ST6GAL1: variants seen among roughly 807,000 people sequenced by gnomAD.
ST6GAL1 encodes ST6 beta-galactoside alpha-2,6-sialyltransferase 1, also known as beta-galactoside alpha-2,6-sialyltransferase 1.
ST6GAL1 carries 20 observed loss-of-function variants against 38.0 expected under a neutral mutation model. The ratio of observed to expected loss-of-function variants is 0.53; its 90% CI spans 0.37 to 0.77. ST6GAL1 has a LOEUF of 0.77. ST6GAL1 is among the 30% of genes least tolerant of loss of function. ST6GAL1 has a pLI of 0.00. For synonymous variants in ST6GAL1, 196 were observed against 188.2 expected, an observed-to-expected ratio of 1.04 and a Z score of -0.34; for missense variants, 432 against 496.4, an observed-to-expected ratio of 0.87 and a Z score of 1.23.
intron 1 of ST6GAL1, among the ~76,000 whole-genome samples, chr3:186,943,351 G>A (rs1359986373): frequency 6.6e-6 from 1 of 152,144 alleles, no homozygotes; most frequent in Non-Finnish European, 1.5e-5. Flanking sequence ...AAATGCATGA[G>A]GCATGAAGTG....
chr3:187,074,554 G>A (rs1719497867), intron 7 of ST6GAL1, among the ~76,000 whole-genome samples: 1 of 152,208 alleles, frequency 6.6e-6, no homozygotes, highest in Non-Finnish European at 1.5e-5. Context: ...TCAATCAGAT[G>A]TCTGAGGCAA....
At chr3:186,964,853 T>A (rs1715052950) in intron 2 of ST6GAL1, among the ~76,000 whole-genome samples, 1 of 152,154 alleles carries the variant, frequency 6.6e-6, no homozygotes, top group South Asian at 2.1e-4. Context: ...ATCCGGCAAA[T>A]CACCTCCCCT....
intron 2 of ST6GAL1, among the ~76,000 whole-genome samples, chr3:186,984,453 C>T (rs1054765052): frequency 2.6e-5 from 4 of 152,142 alleles, no homozygotes; most frequent in Non-Finnish European, 4.4e-5. Flanking sequence ...CCTCCACCTC[C>T]CCGACATCGT....
chr3:186,987,389 C>T (rs562839767), intron 2 of ST6GAL1, among the ~76,000 whole-genome samples: 3 of 152,270 alleles, frequency 2.0e-5, no homozygotes, highest in East Asian at 1.9e-4. Context: ...GTAACCTACC[C>T]AAGGTCCACA....
intron 2 of ST6GAL1, among the ~76,000 whole-genome samples, chr3:187,014,564 C>G (rs1250775048): frequency 6.6e-6 from 1 of 152,222 alleles, no homozygotes; most frequent in Non-Finnish European, 1.5e-5. Flanking sequence ...CTTCTTACAT[C>G]TCCATCCTCC....
At chr3:187,062,574 TCACACACACACACACA>T (rs57175575) in intron 5 of ST6GAL1, among the ~76,000 whole-genome samples, 1 of 143,812 alleles carries the variant, frequency 7.0e-6, no homozygotes, top group African/African-American at 2.5e-5. Context: ...AATAAGCCAG[TCACACACACACACACA>T]CACACACACA....
chr3:186,949,310 C>CAGTTACCTAAG (rs1252156865), intron 1 of ST6GAL1, among the ~76,000 whole-genome samples: 10 of 152,274 alleles, frequency 6.6e-5, no homozygotes, highest in African/African-American at 2.4e-4. Flanking sequence ...GCTGAGTTAT[C>CAGTTACCTAAG]AGTTACCTAA....
rs562706217 is a variant in ST6GAL1 at position 186,933,173 on chromosome 3, A to ACGCTGC, written c.-325+2342_-325+2347dup. ...CCCACTTTTTCCTAATTGGTTTTCTACGCTGCCGTGCCCACCTTTGAGTGG... is the reference window on the plus strand; with the variant it reads ...CCCACTTTTTCCTAATTGGTTTTCTACGCTGCCGCTGCCGTGCCCACCTTTGAGTGG... On this transcript the variant is annotated intron_variant, in intron 1 of 7. Coordinates refer to ENST00000169298, the MANE Select transcript of ST6GAL1 (RefSeq NM_173216.2). 5.0e-4 allele frequency among the ~76,000 whole-genome samples: 76 copies of ACGCTGC among 152,268 alleles called. 1 individual carries two copies. The East Asian group carries it at 0.013, about 25-fold the overall frequency.
At chr3:186,985,619 A>AG (rs1715889159) in intron 2 of ST6GAL1, among the ~76,000 whole-genome samples, 1 of 151,608 alleles carries the variant, frequency 6.6e-6, no homozygotes, top group East Asian at 1.9e-4. Context: ...AAAAAAAAAA[A>AG]AAAAAATTAG....
chr3:186,945,988 C>CAAAAAA (rs71167026), intron 1 of ST6GAL1, among the ~76,000 whole-genome samples: 9 of 71,478 alleles, frequency 1.3e-4, no homozygotes, highest in East Asian at 4.2e-4. Flanking sequence ...AAGACTCCGT[C>CAAAAAA]AAAAAAAAAA....
rs553798149 is a variant in ST6GAL1 at position 186,983,879 on chromosome 3, C to A, written c.-183+19953C>A. On this transcript the variant is annotated intron_variant, in intron 2 of 7. Transcript: ENST00000169298. ...AAAAATTCCACTAGCTGATCAAGAA[C>A]ATCCGAAAAGCTCTCATGCTGATAA... Among the ~76,000 whole-genome samples the A allele has an allele frequency of 3.3e-4, 50 of 152,224 alleles. No individual in the cohort carries two copies. The South Asian group carries it at 0.01, about 32-fold the overall frequency.
At chr3:187,019,026 G>T (rs1328860718) in intron 2 of ST6GAL1, among the ~76,000 whole-genome samples, 1 of 152,196 alleles carries the variant, frequency 6.6e-6, no homozygotes, top group African/African-American at 2.4e-5. Flanking sequence ...TGTGGTAGTC[G>T]TGGCAATCTC....
intron 2 of ST6GAL1, among the ~76,000 whole-genome samples, chr3:186,990,401 A>G (rs924530931): frequency 1.3e-5 from 2 of 152,214 alleles, no homozygotes; most frequent in Non-Finnish European, 2.9e-5. Flanking sequence ...CTTAATGATC[A>G]TTAGAGCGAG....
intron 2 of ST6GAL1, among the ~76,000 whole-genome samples, chr3:186,988,568 G>T (rs1412868813): frequency 2.7e-5 from 4 of 149,544 alleles, no homozygotes; most frequent in Admixed American, 2.7e-4. Flanking sequence ...TTTGGGGTGG[G>T]GGGGTGGTGG....
intron 2 of ST6GAL1, among the ~76,000 whole-genome samples, chr3:186,974,405 G>A (rs1443994398): frequency 2.0e-5 from 3 of 151,928 alleles, no homozygotes; most frequent in African/African-American, 7.3e-5. Context: ...TCACTCAGCC[G>A]AACAGTGAGC....
chr3:186,931,763 T>C (rs554987882), intron 1 of ST6GAL1, among the ~76,000 whole-genome samples: 50 of 152,340 alleles, frequency 3.3e-4, no homozygotes, highest in African/African-American at 1.1e-3. Context: ...ACCCCAGATG[T>C]CACTAGCCCC....
Position 186,992,690 on chromosome 3 carries a change from G to A in ST6GAL1, c.-183+28764G>A, listed in dbSNP as rs1463452088. Among the ~76,000 whole-genome samples the A allele has an allele frequency of 5.3e-5, 8 of 152,092 alleles. No individual in the cohort carries two copies. The South Asian group carries it at 1.7e-3, about 32-fold the overall frequency. ...CGGGCACCCATAATCTCAGCTACTCGGAGGCTGAGGCAGGAGAATCGCTTG... is the reference window on the plus strand; with the variant it reads ...CGGGCACCCATAATCTCAGCTACTCAGAGGCTGAGGCAGGAGAATCGCTTG... On this transcript the variant is annotated intron_variant, in intron 2 of 7. Coordinates refer to ENST00000169298, the MANE Select transcript of ST6GAL1 (RefSeq NM_173216.2).
At chr3:187,051,538 A>G in intron 5 of ST6GAL1, 192 bp downstream of exon 5, 1 of 561,284 alleles carries the variant, frequency 1.8e-6, no homozygotes. Context: ...TTTAAAGAAA[A>G]ACCCTTTAGT....
chr3:186,953,605 T>G (rs1038766644), intron 1 of ST6GAL1, among the ~76,000 whole-genome samples: 4 of 152,182 alleles, frequency 2.6e-5, no homozygotes, highest in African/African-American at 9.7e-5. Context: ...CCTGTGTCTT[T>G]TCTCACTAGG....
Sources: gnomAD v4.1 joint callset for allele counts (sites outside exome capture counted in the v4.1 genomes callset) on GRCh38, gnomAD v4.1.1 for gene constraint, MANE v1.5 for transcripts, NCBI Gene and HGNC (gene_info 2026-07-23, HGNC 2026-07-21) for gene names.